TMEM132B: variants seen among roughly 807,000 people sequenced by gnomAD.
TMEM132B encodes the protein transmembrane protein 132B.
Under a neutral mutation model 90.8 loss-of-function variants are expected in TMEM132B, and 18 were observed. That is an observed-to-expected ratio of 0.20 (90% CI 0.14 to 0.29). The LOEUF is 0.29. Ranked by LOEUF, TMEM132B falls within the 10% of genes least tolerant of loss-of-function variation. The pLI, the probability that TMEM132B is intolerant of heterozygous loss-of-function variation, is 1.00. For missense variants in TMEM132B, 1,096 were observed against 1,326.8 expected (o/e 0.83, Z 2.70); for synonymous variants, 504 against 523.3 (o/e 0.96, Z 0.50).
rs1878788746 is a variant in TMEM132B, at chr12:125,385,028, C to T, written c.960-30503C>T. Among the ~76,000 whole-genome samples the T allele has an allele frequency of 2.0e-5, 3 of 152,216 alleles. No individual in the cohort carries two copies. The South Asian group carries it at 6.2e-4, about 32-fold the overall frequency. On this transcript the variant is annotated intron_variant, in intron 2 of 8. Transcript: ENST00000682704. ...CCAGACCCTGATAACCATCATTCTA[C>T]TCCCTACTTCTATGAATTCAACTTT...
At position 125,259,678 on chromosome 12, in the gene TMEM132B, G is replaced by A. The variant is rs142726865; in HGVS notation, c.67+72812G>A. Among the ~76,000 whole-genome samples, 801 of 152,228 alleles carry A rather than the reference G, an allele frequency of 5.3e-3. 3 individuals are homozygous for A. Among genetic ancestry groups the A allele is most frequent in the Non-Finnish European group, 8.6e-3 (585 of 68,000 alleles). Reference sequence around the variant, plus strand: ...CAGTGGCATCCCACTCATTACTTACGCACAGAAATAAAGATAAATGTGTCT... The same window carrying A: ...CAGTGGCATCCCACTCATTACTTACACACAGAAATAAAGATAAATGTGTCT... On this transcript the variant is annotated intron_variant, in intron 1 of 8. Transcript: ENST00000682704.
chr12:125,614,242 C>T (rs930116628), intron 5 of TMEM132B, among the ~76,000 whole-genome samples: 1 of 151,924 alleles, frequency 6.6e-6, no homozygotes, highest in African/African-American at 2.4e-5. Context: ...GAGAATAGTG[C>T]CTGATAGTTT....
chr12:125,226,199 T>G (rs1873677969), intron 1 of TMEM132B, among the ~76,000 whole-genome samples: 1 of 152,202 alleles, frequency 6.6e-6, no homozygotes, highest in Admixed American at 6.5e-5. Flanking sequence ...GTGTCAAATT[T>G]GCATACGACA....
chr12:125,198,776 A>T (rs1452268319), intron 1 of TMEM132B, among the ~76,000 whole-genome samples: 1 of 152,180 alleles, frequency 6.6e-6, no homozygotes, highest in African/African-American at 2.4e-5. Flanking sequence ...AGGTCTGGAG[A>T]GCACTCACAT....
rs1181585886 is a variant in TMEM132B, at chr12:125,661,242, C to CT, written c.*6537dup. Reference sequence around the variant, plus strand: ...AGAGATGCTTCCTCAAAGAGCGTGCCTTTTTCCTCCATCATAACCGCTTTA... The same window carrying CT: ...AGAGATGCTTCCTCAAAGAGCGTGCCTTTTTTCCTCCATCATAACCGCTTTA... On this transcript the variant is annotated 3_prime_UTR_variant, in exon 9 of 9. Transcript: ENST00000682704. The CT allele has an allele frequency of 7.9e-5, 12 of 152,206 alleles. No individual in the cohort carries two copies. Among genetic ancestry groups the CT allele is most frequent in the Non-Finnish European group, 1.3e-4 (9 of 68,050 alleles). The allele number at this position is 152,206 out of a possible 1,614,324, so 9.4% of individuals were successfully genotyped here.
intron 5 of TMEM132B, among the ~76,000 whole-genome samples, chr12:125,614,489 C>A (rs528656533): frequency 6.6e-6 from 1 of 152,024 alleles, no homozygotes; most frequent in Non-Finnish European, 1.5e-5. Flanking sequence ...GTGTATATAT[C>A]CCACATTTCT....
At chr12:125,355,664 A>G (rs1359482761) in intron 2 of TMEM132B, among the ~76,000 whole-genome samples, 3 of 152,204 alleles carry the variant, frequency 2.0e-5, no homozygotes, top group Admixed American at 6.5e-5. Context: ...TTCCCAGCGT[A>G]ACTGATTGTC....
At chr12:125,244,557 T>G (rs1170496693) in intron 1 of TMEM132B, among the ~76,000 whole-genome samples, 1 of 152,210 alleles carries the variant, frequency 6.6e-6, no homozygotes, top group Non-Finnish European at 1.5e-5. Flanking sequence ...TCTCGGCCAC[T>G]GTCACTGGTA....
chr12:125,620,827 C>G (rs1886097447), intron 5 of TMEM132B, among the ~76,000 whole-genome samples: 1 of 152,182 alleles, frequency 6.6e-6, no homozygotes, highest in Non-Finnish European at 1.5e-5. Context: ...TGAGAACTCA[C>G]TTACTATCAC....
intron 1 of TMEM132B, among the ~76,000 whole-genome samples, chr12:125,262,543 G>C (rs111385663): frequency 6.6e-6 from 1 of 152,134 alleles, no homozygotes; most frequent in Non-Finnish European, 1.5e-5. Flanking sequence ...TAGTTAAGGC[G>C]TGGGCTTGCC....
intron 1 of TMEM132B, among the ~76,000 whole-genome samples, chr12:125,278,755 G>T (rs1436504724): frequency 6.6e-6 from 1 of 152,072 alleles, no homozygotes; most frequent in East Asian, 1.9e-4. Context: ...TCCATGGAAG[G>T]CTCTGCAAGA....
intron 2 of TMEM132B, among the ~76,000 whole-genome samples, chr12:125,411,367 G>GT (rs1434256567): frequency 1.3e-5 from 1 of 76,480 alleles, no homozygotes. Context: ...TCAGAGGGTG[G>GT]GGGGGGGCCT....
At chr12:125,583,473 G>A (rs528357570) in intron 4 of TMEM132B, among the ~76,000 whole-genome samples, 2 of 152,192 alleles carry the variant, frequency 1.3e-5, no homozygotes, top group South Asian at 4.2e-4. Context: ...CAGAATATAG[G>A]CATTCACTTC....
chr12:125,427,233 G>C (rs1181202720), intron 3 of TMEM132B, among the ~76,000 whole-genome samples: 1 of 152,180 alleles, frequency 6.6e-6, no homozygotes, highest in Admixed American at 6.5e-5. Flanking sequence ...GACTTTTCAG[G>C]ATTCATTGGA....
At chr12:125,467,724 C>T (rs996755618) in intron 3 of TMEM132B, among the ~76,000 whole-genome samples, 2 of 152,228 alleles carry the variant, frequency 1.3e-5, no homozygotes, top group African/African-American at 2.4e-5. Context: ...TTTCGTCACC[C>T]TGTAAAAACA....
intron 1 of TMEM132B, among the ~76,000 whole-genome samples, chr12:125,310,537 G>T (rs1593078915): frequency 6.6e-6 from 1 of 152,100 alleles, no homozygotes; most frequent in Non-Finnish European, 1.5e-5. Flanking sequence ...TTGAACCCAG[G>T]CCTATAAGTT....
intron 3 of TMEM132B, among the ~76,000 whole-genome samples, chr12:125,491,791 C>T (rs760070021): frequency 6.6e-6 from 1 of 152,176 alleles, no homozygotes. Flanking sequence ...AGCCGTGCAC[C>T]CTGGCAAGGG....
chr12:125,428,098 T>G (rs1880377607), intron 3 of TMEM132B, among the ~76,000 whole-genome samples: 1 of 152,118 alleles, frequency 6.6e-6, no homozygotes, highest in African/African-American at 2.4e-5. Flanking sequence ...CTGGGCTCAG[T>G]GATCCACCTC....
chr12:125,241,883 C>T (rs1392027748), intron 1 of TMEM132B, among the ~76,000 whole-genome samples: 1 of 152,096 alleles, frequency 6.6e-6, no homozygotes, highest in Admixed American at 6.5e-5. Context: ...TATCTGTGGT[C>T]CACCTGTTCA....
Sources: allele counts gnomAD v4.1 joint callset (sites outside exome capture counted in the v4.1 genomes callset), GRCh38; gene constraint gnomAD v4.1.1; transcripts MANE v1.5; gene names NCBI Gene and HGNC (gene_info 2026-07-23, HGNC 2026-07-21).